Variants in SEPTIN10 observed in about 807,000 individuals in gnomAD.
SEPTIN10 encodes septin-10.
SEPTIN10 carries 66 observed loss-of-function variants against 54.8 expected under a neutral mutation model. The ratio of observed to expected loss-of-function variants is 1.21; its 90% confidence interval spans 0.99 to 1.48. The LOEUF (loss-of-function observed/expected upper bound fraction) is 1.48. SEPTIN10 is among the 40% of genes most tolerant of loss of function. The pLI is 0.00. For missense variants in SEPTIN10, 620 were observed against 545.6 expected, an observed-to-expected ratio of 1.14 and a Z score of -1.36; for synonymous variants, 161 against 181.0, an observed-to-expected ratio of 0.89 and a Z score of 0.89.
Position 109,585,732 on chromosome 2 carries a change from A to T in SEPTIN10, c.206T>A (p.Ile69Asn). The T allele has an allele frequency of 6.2e-7, 1 of 1,611,852 alleles. No homozygotes were observed. Residue 69 changes from isoleucine to asparagine, a missense_variant, in exon 3 of 11, where the codon ATT becomes AAT. By Grantham distance (149) the Ile-to-Asn change is moderately radical. Transcript: ENST00000397712. ...TAGGTGGCACGTACCCACACAGAGAATATTAAAGCAGAAACCTTGCTGAAT... is the reference window on the plus strand; with the variant it reads ...TAGGTGGCACGTACCCACACAGAGATTATTAAAGCAGAAACCTTGCTGAAT... ...RSIQQGFCFN[I>N]LCVGETGIGK...
At chr2:109,576,410 TA>T (rs998769429) in intron 4 of SEPTIN10, among the ~76,000 whole-genome samples, 3 of 152,058 alleles carry the variant, frequency 2.0e-5, no homozygotes, top group Non-Finnish European at 4.4e-5. Flanking sequence ...CAAAAAATGA[TA>T]TTTTTTTTAA....
At position 109,585,109 on chromosome 2, in the gene SEPTIN10, A is replaced by G. The variant is rs1692171713; in HGVS notation, c.413+17T>C. ...AAATAAGAAAAACTTGTTTTATTAC[A>G]AGAAGAAAACACATACCTCTCTTCT... On this transcript the variant is annotated intron_variant, in intron 4 of 10. Coordinates refer to ENST00000397712, the MANE Select transcript of SEPTIN10 (RefSeq NM_144710.5). 1 of 1,480,424 alleles carries G rather than the reference A, an allele frequency of 6.8e-7. No individual in the cohort carries two copies. The highest frequency in any genetic ancestry group is 1.4e-5 in the African/African-American group (1 of 70,358). 91.7% of individuals were successfully genotyped at this position (1,480,424 alleles called of 1,614,324 possible). A position where few individuals can be genotyped will look rare whatever the true frequency, so the allele number is the denominator to read the frequency against.
intron 2 of SEPTIN10, 44 bp downstream of exon 2, chr2:109,593,007 G>T: frequency 1.5e-6 from 2 of 1,296,594 alleles, no homozygotes; most frequent in Non-Finnish European, 2.1e-6. Flanking sequence ...AATCATAGAA[G>T]CATTTAGAGT....
At chr2:109,580,277 T>C (rs370436018) in intron 4 of SEPTIN10, among the ~76,000 whole-genome samples, 1 of 142,086 alleles carries the variant, frequency 7.0e-6, no homozygotes, top group East Asian at 2.1e-4. Context: ...AATTTGCCAA[T>C]AAAAAAATCA....
In SEPTIN10 at chr2:109,594,419, G is replaced by C. The variant is rs567389221; in HGVS notation, c.31-1300C>G. ...GAGAGAGGCTGTGCATGTCTAAGCA[G>C]GCCTCCTTTGTTTATATAAATGGTA... On this transcript the variant is annotated intron_variant, in intron 1 of 10. Coordinates refer to ENST00000397712, the MANE Select transcript of SEPTIN10 (RefSeq NM_144710.5). Among the ~76,000 whole-genome samples the C allele has an allele frequency of 5.9e-5, 9 of 152,184 alleles. No homozygotes were observed. In the East Asian group the frequency reaches 1.7e-3, roughly 29 times the overall value.
intron 2 of SEPTIN10, among the ~76,000 whole-genome samples, chr2:109,592,722 G>GT (rs1420769414): frequency 6.6e-6 from 1 of 151,106 alleles, no homozygotes; most frequent in African/African-American, 2.4e-5. Flanking sequence ...AGAGGTTGCA[G>GT]TGAGCCGAGA....
intron 5 of SEPTIN10, among the ~76,000 whole-genome samples, chr2:109,568,290 A>C (rs1687554432): frequency 6.6e-6 from 1 of 151,974 alleles, no homozygotes; most frequent in Admixed American, 6.6e-5. Flanking sequence ...CAGAAAAGGC[A>C]TGCCAACCCT....
chr2:109,578,626 G>A (rs1445100099), intron 4 of SEPTIN10, among the ~76,000 whole-genome samples: 1 of 152,072 alleles, frequency 6.6e-6, no homozygotes, highest in Non-Finnish European at 1.5e-5. Flanking sequence ...AATTAGCTCG[G>A]AGTGCTGGTG....
intron 8 of SEPTIN10, among the ~76,000 whole-genome samples, chr2:109,563,657 T>C (rs1686217851): frequency 6.6e-6 from 1 of 152,144 alleles, no homozygotes; most frequent in East Asian, 1.9e-4. Context: ...CAAGGAAGGG[T>C]TCAGATTCTA....
chr2:109,593,130 A>T lies in SEPTIN10; in HGVS notation c.31-11T>A. 1 of 1,582,628 alleles carries T rather than the reference A, an allele frequency of 6.3e-7. No homozygotes were observed. The highest frequency in any genetic ancestry group is 8.6e-7 in the Non-Finnish European group (1 of 1,164,630). On this transcript the variant is annotated splice_polypyrimidine_tract_variant and intron_variant, in intron 1 of 10. Coordinates refer to ENST00000397712, the MANE Select transcript of SEPTIN10 (RefSeq NM_144710.5). ...GTGAGACTGAAAGAGCTAAAAAAGG[A>T]ATACAAAGGCTTAAAAGGAAACAGA...
Position 109,543,064 on chromosome 2 carries a change from A to G in SEPTIN10, c.*1245T>C, listed in dbSNP as rs1230518594. On this transcript the variant is annotated 3_prime_UTR_variant, in exon 11 of 11. Transcript: ENST00000397712. ...TCAAGTACAAAAAATGAAAATGTATATATCTATGACTGTTAAGAAATGTTA... is the reference window on the plus strand; with the variant it reads ...TCAAGTACAAAAAATGAAAATGTATGTATCTATGACTGTTAAGAAATGTTA... 6.6e-6 allele frequency: 1 copy of G among 152,654 alleles called. No homozygotes were observed. The highest frequency in any genetic ancestry group is 1.5e-5 in the Non-Finnish European group (1 of 68,032). 9.5% of individuals were successfully genotyped at this position (152,654 alleles called of 1,614,324 possible).
chr2:109,549,547 A>T (rs564311923), intron 9 of SEPTIN10, among the ~76,000 whole-genome samples: 24 of 152,324 alleles, frequency 1.6e-4, no homozygotes, highest in Admixed American at 2.6e-4. Flanking sequence ...CAGGCAGTTA[A>T]TTCAAATACA....
intron 2 of SEPTIN10, among the ~76,000 whole-genome samples, chr2:109,588,563 G>A (rs994664991): frequency 6.6e-6 from 1 of 151,972 alleles, no homozygotes; most frequent in Non-Finnish European, 1.5e-5. Flanking sequence ...GTATGATCTT[G>A]GCTCACTGCA....
intron 2 of SEPTIN10, among the ~76,000 whole-genome samples, chr2:109,587,193 C>T (rs776432092): frequency 3.0e-4 from 46 of 151,948 alleles, no homozygotes; most frequent in East Asian, 7.7e-4. Context: ...GAGCTCGCAA[C>T]GACAAAAAGC....
intron 9 of SEPTIN10, among the ~76,000 whole-genome samples, chr2:109,548,721 A>G (rs991983870): frequency 1.5e-5 from 2 of 132,834 alleles, no homozygotes; most frequent in Non-Finnish European, 3.1e-5. Flanking sequence ...GGTTGCAGTG[A>G]GCCGAGATAG....
At chr2:109,554,268 A>G (rs1683820418) in intron 8 of SEPTIN10, among the ~76,000 whole-genome samples, 1 of 152,222 alleles carries the variant, frequency 6.6e-6, no homozygotes, top group South Asian at 2.1e-4. Flanking sequence ...ATGTAATTCA[A>G]AAACAAACAA....
At chr2:109,571,983 T>C (rs924336477) in intron 5 of SEPTIN10, among the ~76,000 whole-genome samples, 1 of 152,252 alleles carries the variant, frequency 6.6e-6, no homozygotes, top group African/African-American at 2.4e-5. Context: ...CAATAAACTG[T>C]GCCTGTTAAT....
intron 1 of SEPTIN10, among the ~76,000 whole-genome samples, chr2:109,612,315 G>A (rs1232737239): frequency 2.0e-5 from 3 of 152,198 alleles, no homozygotes; most frequent in Admixed American, 2.0e-4. Flanking sequence ...GGCAGGGCAG[G>A]AAAGAAGTGT....
At chr2:109,561,070 C>T (rs1685544215) in intron 8 of SEPTIN10, among the ~76,000 whole-genome samples, 1 of 139,728 alleles carries the variant, frequency 7.2e-6, no homozygotes. Context: ...CGTTGCCTTC[C>T]CCTTAGGACA....
Sources: allele counts gnomAD v4.1 joint callset (sites outside exome capture counted in the v4.1 genomes callset), GRCh38; gene constraint gnomAD v4.1.1; transcripts MANE v1.5; gene names NCBI Gene and HGNC (gene_info 2026-07-23, HGNC 2026-07-21).